XKR9: variants seen among roughly 807,000 people sequenced by gnomAD.
XKR9 encodes the protein XK-related protein 9.
XKR9 carries 32 observed loss-of-function variants against 32.0 expected under a neutral mutation model. The ratio of observed to expected loss-of-function variants is 1.00; its 90% CI spans 0.76 to 1.34. The LOEUF (loss-of-function observed/expected upper bound fraction) is 1.34, where lower values mean the gene tolerates loss of function less well. XKR9 is among the 40% of genes most tolerant of loss of function. XKR9 has a pLI of 0.00. For synonymous variants in XKR9, 168 were observed against 143.4 expected (o/e 1.17, Z -1.22); for missense variants, 546 against 429.7 (o/e 1.27, Z -2.39).
the XKR9 span, among the ~76,000 whole-genome samples, chr8:70,912,010 A>G: frequency 6.6e-6 from 1 of 152,188 alleles, no homozygotes; most frequent in African/African-American, 2.4e-5. Context: ...AAAGATGGAT[A>G]TGAATTAGCT....
At chr8:70,881,796 C>G in the XKR9 span, among the ~76,000 whole-genome samples, 4 of 152,302 alleles carry the variant, frequency 2.6e-5, no homozygotes, top group African/African-American at 4.8e-5. Context: ...AATCATGCTA[C>G]TATAAAGACA....
chr8:70,846,340 C>T, the XKR9 span, among the ~76,000 whole-genome samples: 4 of 151,782 alleles, frequency 2.6e-5, no homozygotes, highest in Non-Finnish European at 5.9e-5. Context: ...ATGATATATA[C>T]CATCATAAAA....
At chr8:70,829,311 A>G in the XKR9 span, among the ~76,000 whole-genome samples, 1 of 135,076 alleles carries the variant, frequency 7.4e-6, no homozygotes, top group South Asian at 2.3e-4. Flanking sequence ...ATTTAATATG[A>G]CTATTACTGT....
At chr8:70,799,478 G>A in the XKR9 span, among the ~76,000 whole-genome samples, 55 of 152,056 alleles carry the variant, frequency 3.6e-4, no homozygotes, top group African/African-American at 1.1e-3. Flanking sequence ...CTACTGGTGC[G>A]TGCCACCATG....
At chr8:70,798,998 G>T in the XKR9 span, among the ~76,000 whole-genome samples, 2 of 152,122 alleles carry the variant, frequency 1.3e-5, no homozygotes, top group Non-Finnish European at 2.9e-5. Flanking sequence ...CTTCAGCTTT[G>T]CTATTTTTGC....
intron 3 of XKR9, 55 bp from the exon 4 acceptor site, chr8:70,706,878 A>C: frequency 7.1e-7 from 1 of 1,409,862 alleles, no homozygotes; most frequent in Non-Finnish European, 9.7e-7. Flanking sequence ...GTGTATTAAC[A>C]GACATGTTAC....
the XKR9 span, among the ~76,000 whole-genome samples, chr8:70,932,805 T>G: frequency 6.6e-6 from 1 of 152,134 alleles, no homozygotes; most frequent in African/African-American, 2.4e-5. Flanking sequence ...ACAATCTCAT[T>G]TAACCTTAAT....
chr8:70,999,839 A>C, the XKR9 span, among the ~76,000 whole-genome samples: 9 of 152,314 alleles, frequency 5.9e-5, no homozygotes, highest in East Asian at 1.7e-3. Context: ...CACGGCATTT[A>C]TTTACCATTG....
At chr8:71,030,040 C>T in the XKR9 span, among the ~76,000 whole-genome samples, 1 of 151,912 alleles carries the variant, frequency 6.6e-6, no homozygotes, top group African/African-American at 2.4e-5. Flanking sequence ...TATAAATCTT[C>T]ATGAATAGGA....
chr8:70,926,354 AGCCACTGCACCTG>A, the XKR9 span, among the ~76,000 whole-genome samples: 1 of 152,212 alleles, frequency 6.6e-6, no homozygotes, highest in African/African-American at 2.4e-5. Flanking sequence ...TACAGGCGTG[AGCCACTGCACCTG>A]GCCATAACCA....
At chr8:71,019,568 A>G in the XKR9 span, among the ~76,000 whole-genome samples, 1 of 152,318 alleles carries the variant, frequency 6.6e-6, no homozygotes, top group African/African-American at 2.4e-5. Context: ...TAGAGTCTTT[A>G]GGAGAACACA....
chr8:70,876,008 C>T, the XKR9 span, among the ~76,000 whole-genome samples: 2 of 151,936 alleles, frequency 1.3e-5, no homozygotes, highest in Non-Finnish European at 2.9e-5. Context: ...AATACAGAAA[C>T]AATTCAAACA....
chr8:70,767,496 C>CT lies in XKR9; in HGVS notation n.353-21823dup, dbSNP rs34400671. ...TATTTGATTCTTCTCTCTTTTCCTT[C>CT]TTTTTTTTTTTTTTTTTTTTGAGAT... On this transcript the variant is annotated intron_variant and non_coding_transcript_variant, in intron 2 of 3. Transcript: ENST00000520273. 6.2e-3 allele frequency among the ~76,000 whole-genome samples: 611 copies of CT among 99,316 alleles called. 18 individuals carry two copies. Among genetic ancestry groups the CT allele is most frequent in the African/African-American group, 0.012 (310 of 25,016 alleles). The allele number at this position is 99,316 out of a possible 152,430, so 65.2% of individuals were successfully genotyped here.
the XKR9 span, among the ~76,000 whole-genome samples, chr8:70,888,766 A>G: frequency 2.4e-4 from 37 of 152,052 alleles, no homozygotes; most frequent in African/African-American, 7.9e-4. Flanking sequence ...TTTACTGTAA[A>G]TGCATGGACT....
At chr8:70,704,603 CATT>C (rs1378834877) in intron 3 of XKR9, among the ~76,000 whole-genome samples, 1 of 152,186 alleles carries the variant, frequency 6.6e-6, no homozygotes, top group Non-Finnish European at 1.5e-5. Context: ...GGCATTCTGG[CATT>C]ATTAGAGTCT....
chr8:71,036,153 C>T, the XKR9 span, among the ~76,000 whole-genome samples: 1 of 152,120 alleles, frequency 6.6e-6, no homozygotes, highest in Admixed American at 6.6e-5. Context: ...ATGTTTTTCT[C>T]CTATTAATCT....
chr8:71,025,115 G>A, the XKR9 span, among the ~76,000 whole-genome samples: 6 of 148,206 alleles, frequency 4.0e-5, 1 homozygote, highest in Admixed American at 4.0e-4. Context: ...GGAGCATAGA[G>A]ACCTTAAACA....
intron 2 of XKR9, among the ~76,000 whole-genome samples, chr8:70,750,529 A>T (rs1445976736): frequency 6.6e-6 from 1 of 152,188 alleles, no homozygotes; most frequent in East Asian, 1.9e-4. Context: ...CTGTAGATGT[A>T]CATCTTTTTT....
chr8:70,889,936 A>G, the XKR9 span, among the ~76,000 whole-genome samples: 6 of 152,216 alleles, frequency 3.9e-5, no homozygotes, highest in East Asian at 1.2e-3. Flanking sequence ...ATATATACCC[A>G]GTAATGGGAC....
Sources: allele counts gnomAD v4.1 joint callset (sites outside exome capture counted in the v4.1 genomes callset), GRCh38; gene constraint gnomAD v4.1.1; transcripts MANE v1.5; gene names NCBI Gene and HGNC (gene_info 2026-07-23, HGNC 2026-07-21).